EPHA6: variants seen among roughly 807,000 people sequenced by gnomAD.
EPHA6 encodes ephrin type-A receptor 6.
A neutral mutation model predicts 112.0 loss-of-function variants in EPHA6; 50 were observed. The observed-to-expected ratio is 0.45, with a 90% CI of 0.36 to 0.56. The LOEUF (loss-of-function observed/expected upper bound fraction) is 0.56. Ranked by LOEUF, EPHA6 falls within the 20% of genes least tolerant of loss-of-function variation. The probability of loss-of-function intolerance (pLI) is 0.00; values close to 1 mark genes in which losing one functional copy is unlikely to be tolerated. For missense variants in EPHA6, 1,280 were observed against 1,417.4 expected (o/e 0.90, Z 1.56); for synonymous variants, 529 against 490.7 (o/e 1.08, Z -1.03).
chr3:96,855,594 G>C (rs1348471030), intron 1 of EPHA6, among the ~76,000 whole-genome samples: 2 of 151,628 alleles, frequency 1.3e-5, no homozygotes, highest in African/African-American at 4.8e-5. Flanking sequence ...AAGCATAGAG[G>C]GAAATTTATG....
intron 6 of EPHA6, among the ~76,000 whole-genome samples, chr3:97,432,370 T>A (rs114048864): frequency 8.5e-5 from 13 of 152,276 alleles, no homozygotes; most frequent in African/African-American, 3.1e-4. Context: ...TTCTAACATT[T>A]AATGAGGATG....
At position 96,814,827 on chromosome 3, in the gene EPHA6, C is replaced by A. The variant is rs1429270793; in HGVS notation, c.204C>A (p.Asp68Glu). ...EEEEEEDVDK[D>E]PHPTQNTCLR... is the part of the protein sequence containing the mutation. ...AGGAGGAAGAAGACGTGGACAAGGACCCCCATCCTACCCAGAACACCTGCC... is the reference window on the plus strand; with the variant it reads ...AGGAGGAAGAAGACGTGGACAAGGAACCCCATCCTACCCAGAACACCTGCC... Residue 68 changes from aspartate to glutamate, a missense_variant, in exon 1 of 18, where the codon GAC (aspartate) becomes GAA (glutamate). Physicochemically the swap from Asp to Glu is conservative, Grantham distance 45. Transcript: ENST00000389672. The A allele has an allele frequency of 6.3e-7, 1 of 1,587,116 alleles. No homozygotes were observed. The highest frequency in any genetic ancestry group is 8.6e-7 in the Non-Finnish European group (1 of 1,166,082).
intron 2 of EPHA6, among the ~76,000 whole-genome samples, chr3:96,943,341 G>T (rs2041081131): frequency 6.6e-6 from 1 of 152,028 alleles, no homozygotes; most frequent in Non-Finnish European, 1.5e-5. Context: ...TAAATACTCT[G>T]ATTTGATTAT....
intron 2 of EPHA6, among the ~76,000 whole-genome samples, chr3:96,897,630 A>G (rs953007820): frequency 6.6e-6 from 1 of 152,224 alleles, no homozygotes; most frequent in Non-Finnish European, 1.5e-5. Context: ...CCCTGAGCAG[A>G]TGTTAACAAG....
intron 1 of EPHA6, among the ~76,000 whole-genome samples, chr3:96,822,237 A>G (rs1239228726): frequency 6.6e-6 from 1 of 151,972 alleles, no homozygotes. Flanking sequence ...TGTTCAAAAT[A>G]TGTTAGACTG....
At chr3:97,133,209 G>A (rs950017124) in intron 3 of EPHA6, among the ~76,000 whole-genome samples, 2 of 152,134 alleles carry the variant, frequency 1.3e-5, no homozygotes, top group African/African-American at 4.8e-5. Context: ...GGCAGACAAA[G>A]TAGGAAAGTG....
At chr3:97,530,665 T>C (rs1256619932) in intron 10 of EPHA6, among the ~76,000 whole-genome samples, 2 of 151,912 alleles carry the variant, frequency 1.3e-5, no homozygotes, top group Non-Finnish European at 2.9e-5. Context: ...AACGCCAATA[T>C]CATATGCACT....
chr3:97,468,387 T>G (rs2091124520), intron 7 of EPHA6, among the ~76,000 whole-genome samples: 1 of 151,630 alleles, frequency 6.6e-6, no homozygotes, highest in African/African-American at 2.4e-5. Flanking sequence ...TTTACTTTTT[T>G]TCAAAGCCTA....
At chr3:97,424,686 A>T (rs1167006980) in intron 6 of EPHA6, among the ~76,000 whole-genome samples, 1 of 151,748 alleles carries the variant, frequency 6.6e-6, no homozygotes, top group East Asian at 1.9e-4. Flanking sequence ...GGCACCTGTA[A>T]TCCCAGCTAC....
chr3:97,578,982 A>T (rs1386105), intron 11 of EPHA6, among the ~76,000 whole-genome samples: 39,933 of 151,984 alleles, frequency 0.26, 7,843 homozygotes, highest in African/African-American at 0.54. Context: ...CCTAAAAATT[A>T]ATCTCCTCTT....
intron 2 of EPHA6, among the ~76,000 whole-genome samples, chr3:96,898,437 G>A (rs1468092609): frequency 2.0e-5 from 3 of 152,052 alleles, no homozygotes; most frequent in Admixed American, 6.6e-5. Flanking sequence ...TTCCTGCCCC[G>A]ATTTCCTTAT....
intron 5 of EPHA6, among the ~76,000 whole-genome samples, chr3:97,367,529 G>A (rs1328485746): frequency 6.6e-6 from 1 of 151,890 alleles, no homozygotes; most frequent in East Asian, 1.9e-4. Context: ...CTTCTCCTAA[G>A]TCCGAAGATG....
intron 14 of EPHA6, among the ~76,000 whole-genome samples, chr3:97,657,004 AT>A (rs1310402264): frequency 6.6e-6 from 1 of 151,866 alleles, no homozygotes; most frequent in Non-Finnish European, 1.5e-5. Context: ...TGCTAAATGA[AT>A]TATACATAAA....
At chr3:97,542,003 G>A (rs1422540561) in intron 11 of EPHA6, among the ~76,000 whole-genome samples, 2 of 151,782 alleles carry the variant, frequency 1.3e-5, no homozygotes, top group African/African-American at 4.8e-5. Flanking sequence ...TGAAGAACTT[G>A]GAGTCCGATG....
chr3:96,859,050 C>T (rs546209469), intron 1 of EPHA6, among the ~76,000 whole-genome samples: 80 of 152,156 alleles, frequency 5.3e-4, no homozygotes, highest in Middle Eastern at 3.4e-3. Context: ...CACTATACTG[C>T]TTTTCCAATA....
chr3:97,215,195 C>G (rs943981309), intron 3 of EPHA6, among the ~76,000 whole-genome samples: 2 of 152,114 alleles, frequency 1.3e-5, no homozygotes, highest in Non-Finnish European at 2.9e-5. Context: ...TTTTTGTCTT[C>G]CAGTTCTCTG....
At chr3:97,384,015 A>G (rs1457470001) in intron 5 of EPHA6, among the ~76,000 whole-genome samples, 1 of 152,216 alleles carries the variant, frequency 6.6e-6, no homozygotes, top group Non-Finnish European at 1.5e-5. Flanking sequence ...ATTGTTTTCT[A>G]TATGGCATTT....
At chr3:97,563,050 C>A (rs1277429139) in intron 11 of EPHA6, among the ~76,000 whole-genome samples, 1 of 151,666 alleles carries the variant, frequency 6.6e-6, no homozygotes, top group Admixed American at 6.6e-5. Context: ...ACTTGGAAAC[C>A]AAAAAAAATT....
intron 3 of EPHA6, 138 bp downstream of exon 3, chr3:96,988,131 C>A: frequency 1.8e-6 from 1 of 553,554 alleles, no homozygotes; most frequent in Non-Finnish European, 2.9e-6. Context: ...GTATACTGAT[C>A]AGATCAAAGT....
Sources: gnomAD v4.1 joint callset for allele counts (sites outside exome capture counted in the v4.1 genomes callset) on GRCh38, gnomAD v4.1.1 for gene constraint, MANE v1.5 for transcripts, NCBI Gene and HGNC (gene_info 2026-07-23, HGNC 2026-07-21) for gene names.